Variants in RAPGEF4 observed in about 807,000 individuals in gnomAD.
RAPGEF4 encodes Rap guanine nucleotide exchange factor 4.
RAPGEF4 carries 66 observed loss-of-function variants against 147.9 expected under a neutral mutation model. The ratio of observed to expected loss-of-function variants is 0.45; its 90% CI spans 0.37 to 0.55. The LOEUF is 0.55. Among genes scored for constraint, RAPGEF4 ranks in the 20% least tolerant of loss-of-function variants. The probability of loss-of-function intolerance (pLI) is 0.00; values close to 1 mark genes in which losing one functional copy is unlikely to be tolerated. For synonymous variants in RAPGEF4, 419 were observed against 442.7 expected (o/e 0.95, Z 0.67); for missense variants, 1,071 against 1,257.3 (o/e 0.85, Z 2.24).
rs376574119 is a variant in RAPGEF4, at chr2:173,014,306, G to T, written c.1659-158G>T. Among the ~76,000 whole-genome samples, 225 of 152,290 alleles carry T rather than the reference G, an allele frequency of 1.5e-3. 1 individual carries two copies. The highest frequency in any genetic ancestry group is 0.01 in the Middle Eastern group (3 of 294). ...CAAGGAATTGCATGCATTCGGCACA[G>T]ACACTTTCTGTGGGGTTTTTCATGA... On this transcript the variant is annotated intron_variant, in intron 17 of 30. Coordinates refer to ENST00000397081, the MANE Select transcript of RAPGEF4 (RefSeq NM_007023.4).
intron 1 of RAPGEF4, among the ~76,000 whole-genome samples, chr2:172,779,265 T>TA (rs1354387659): frequency 2.6e-5 from 4 of 152,240 alleles, no homozygotes; most frequent in Non-Finnish European, 5.9e-5. Context: ...TAGAAGCTGT[T>TA]ACGTGCTTGG....
At chr2:172,845,826 C>T (rs146487887) in intron 4 of RAPGEF4, among the ~76,000 whole-genome samples, 29 of 152,298 alleles carry the variant, frequency 1.9e-4, no homozygotes, top group Non-Finnish European at 3.5e-4. Flanking sequence ...AAAACTTACA[C>T]CCATTAGCAG....
At chr2:172,956,933 G>A (rs1688804340) in intron 6 of RAPGEF4, among the ~76,000 whole-genome samples, 1 of 152,202 alleles carries the variant, frequency 6.6e-6, no homozygotes, top group African/African-American at 2.4e-5. Flanking sequence ...TCAATAACTT[G>A]AATCAAACAG....
At position 172,877,199 on chromosome 2, in the gene RAPGEF4, T is replaced by C. The variant is rs144918729; in HGVS notation, c.445-40603T>C. ...CTATGCAGGCATAAAAAAGGATGAGTTCATGTCCTTTGCAGGGACATGGAT... is the reference window on the plus strand; with the variant it reads ...CTATGCAGGCATAAAAAAGGATGAGCTCATGTCCTTTGCAGGGACATGGAT... On this transcript the variant is annotated intron_variant, in intron 4 of 30. Transcript: ENST00000397081. Among the ~76,000 whole-genome samples the C allele has an allele frequency of 3.4e-3, 518 of 152,176 alleles. 8 individuals are homozygous for C. Among genetic ancestry groups the C allele is most frequent in the East Asian group, 0.03 (154 of 5,160 alleles).
intron 6 of RAPGEF4, among the ~76,000 whole-genome samples, chr2:172,957,497 G>A (rs763192549): frequency 6.6e-6 from 1 of 152,230 alleles, no homozygotes; most frequent in Non-Finnish European, 1.5e-5. Context: ...GGCTTGCCCT[G>A]TCTCAGAGCA....
intron 1 of RAPGEF4, among the ~76,000 whole-genome samples, chr2:172,766,322 C>T (rs958711887): frequency 4.6e-5 from 7 of 152,078 alleles, no homozygotes; most frequent in Admixed American, 1.3e-4. Flanking sequence ...GAGGCCAAGA[C>T]GGGCACATCC....
chr2:172,920,024 AC>A (rs1006750915), intron 5 of RAPGEF4, among the ~76,000 whole-genome samples: 2 of 152,092 alleles, frequency 1.3e-5, no homozygotes, highest in Non-Finnish European at 2.9e-5. Context: ...GTGAACCTTC[AC>A]TATCTCACCC....
In RAPGEF4 at chr2:172,809,720, T is replaced by TG. The variant is rs545175133; in HGVS notation, c.298-4554dup. On this transcript the variant is annotated intron_variant, in intron 3 of 30. Transcript: ENST00000397081. ...TAATTTTTAATTTATTTTTTAGAGATGGGGGTCTCACTATGTTGCCCAGGC... is the reference window on the plus strand; with the variant it reads ...TAATTTTTAATTTATTTTTTAGAGATGGGGGGTCTCACTATGTTGCCCAGGC... 7.8e-3 allele frequency among the ~76,000 whole-genome samples: 1,189 copies of TG among 152,146 alleles called. 20 individuals carry two copies. Among genetic ancestry groups the TG allele is most frequent in the African/African-American group, 0.027 (1,103 of 41,502 alleles).
intron 16 of RAPGEF4, among the ~76,000 whole-genome samples, chr2:173,000,750 CT>C (rs1164657530): frequency 0.01 from 243 of 24,282 alleles, no homozygotes; most frequent in African/African-American, 0.015. Flanking sequence ...TTCTTTCTTT[CT>C]TTTTTTTTTT....
At chr2:172,847,331 G>C (rs775226155) in intron 4 of RAPGEF4, among the ~76,000 whole-genome samples, 14 of 152,146 alleles carry the variant, frequency 9.2e-5, no homozygotes, top group Non-Finnish European at 2.1e-4. Context: ...ACTATTTAGG[G>C]AAACAATATG....
chr2:173,013,370 T>C (rs1695202872), intron 17 of RAPGEF4, among the ~76,000 whole-genome samples: 1 of 152,240 alleles, frequency 6.6e-6, no homozygotes. Flanking sequence ...TCTGTAATCC[T>C]GGCCATTTAT....
At chr2:172,876,684 C>A (rs1695969813) in intron 4 of RAPGEF4, among the ~76,000 whole-genome samples, 1 of 152,272 alleles carries the variant, frequency 6.6e-6, no homozygotes, top group Middle Eastern at 3.4e-3. Context: ...CATCAATGTT[C>A]ATCAGGGATA....
At chr2:172,972,740 T>C (rs542733416) in intron 10 of RAPGEF4, among the ~76,000 whole-genome samples, 6 of 152,338 alleles carry the variant, frequency 3.9e-5, no homozygotes, top group African/African-American at 1.4e-4. Context: ...AGGATGAACT[T>C]AGCTGCTCAT....
At chr2:172,818,574 T>A (rs1411381873) in intron 4 of RAPGEF4, among the ~76,000 whole-genome samples, 1 of 152,164 alleles carries the variant, frequency 6.6e-6, no homozygotes, top group Non-Finnish European at 1.5e-5. Flanking sequence ...TGGGCTCATT[T>A]CATGGCAGGC....
intron 1 of RAPGEF4, among the ~76,000 whole-genome samples, chr2:172,783,496 A>G (rs78488656): frequency 2.0e-5 from 3 of 152,078 alleles, no homozygotes. Flanking sequence ...CCAAAGGATC[A>G]CAGGGGTCTT....
chr2:172,749,259 C>T (rs1015098702), intron 1 of RAPGEF4, among the ~76,000 whole-genome samples: 3 of 152,212 alleles, frequency 2.0e-5, no homozygotes, highest in African/African-American at 7.2e-5. Context: ...CTGCATTGCC[C>T]TAGCAGGGGT....
chr2:172,790,518 ATAAT>A (rs1316574870), intron 1 of RAPGEF4, among the ~76,000 whole-genome samples: 8 of 152,186 alleles, frequency 5.3e-5, no homozygotes, highest in African/African-American at 1.9e-4. Flanking sequence ...AGAGCGAGCT[ATAAT>A]TAGAGAAACC....
intron 3 of RAPGEF4, among the ~76,000 whole-genome samples, chr2:172,810,925 C>A (rs1053574505): frequency 2.6e-5 from 4 of 152,158 alleles, no homozygotes; most frequent in African/African-American, 4.8e-5. Flanking sequence ...AAGGATTTGG[C>A]TACAAGTGGT....
At chr2:172,885,925 G>A (rs1208056209) in intron 4 of RAPGEF4, among the ~76,000 whole-genome samples, 2 of 152,092 alleles carry the variant, frequency 1.3e-5, no homozygotes, top group South Asian at 2.1e-4. Flanking sequence ...AATGCATCTC[G>A]GTGCCCTGAG....
Sources: gnomAD v4.1 joint callset for allele counts (sites outside exome capture counted in the v4.1 genomes callset) on GRCh38, gnomAD v4.1.1 for gene constraint, MANE v1.5 for transcripts, NCBI Gene and HGNC (gene_info 2026-07-23, HGNC 2026-07-21) for gene names.